The following MAGI1 variants were observed in gnomAD, a reference collection of about 807,000 sequenced individuals.
MAGI1 encodes membrane associated guanylate kinase, WW and PDZ domain containing 1.
MAGI1 carries 58 observed loss-of-function variants against 139.9 expected under a neutral mutation model. That is an observed-to-expected ratio of 0.41 (90% CI 0.34 to 0.52). The LOEUF is 0.52. Ranked by LOEUF, MAGI1 falls within the 20% of genes least tolerant of loss-of-function variation. The probability of loss-of-function intolerance (pLI) is 0.12; values close to 1 mark genes in which losing one functional copy is unlikely to be tolerated. For synonymous variants in MAGI1, 812 were observed against 737.9 expected (o/e 1.10, Z -1.63); for missense variants, 1,874 against 1,901.6 (o/e 0.99, Z 0.27).
At chr3:65,450,032 T>A (rs184460512) in intron 6 of MAGI1, among the ~76,000 whole-genome samples, 18 of 152,290 alleles carry the variant, frequency 1.2e-4, no homozygotes, top group Non-Finnish European at 2.4e-4. Flanking sequence ...AATTATTCAA[T>A]AACTATTGTG....
At chr3:65,713,055 C>G (rs1337023447) in intron 1 of MAGI1, among the ~76,000 whole-genome samples, 1 of 152,154 alleles carries the variant, frequency 6.6e-6, no homozygotes, top group Non-Finnish European at 1.5e-5. Context: ...ACAGCCTAAG[C>G]TTTCAAAATG....
chr3:65,448,907 G>A (rs1254541742), intron 6 of MAGI1, among the ~76,000 whole-genome samples: 2 of 152,200 alleles, frequency 1.3e-5, no homozygotes, highest in East Asian at 1.9e-4. Flanking sequence ...CATACATAAT[G>A]TTTCCCCAGG....
chr3:65,542,769 T>C (rs1057458835), intron 2 of MAGI1, among the ~76,000 whole-genome samples: 1 of 152,204 alleles, frequency 6.6e-6, no homozygotes, highest in African/African-American at 2.4e-5. Context: ...GAGTAAAGAC[T>C]TAAACATAAG....
chr3:65,478,792 T>C lies in MAGI1; in HGVS notation c.557A>G (p.Tyr186Cys), dbSNP rs61746260. 2.5e-6 allele frequency: 4 copies of C among 1,612,144 alleles called. No homozygotes were observed. In the East Asian group the frequency reaches 6.7e-5, roughly 27 times the overall value. Reference protein sequence around the residue: ...LLEVGTYEGNYYGTPKPPSQP... With the variant: ...LLEVGTYEGNCYGTPKPPSQP... ...GCTAGGAGGCTTGGGTGTCCCATAA[T>C]AGTTTCCTAGGTGATGGAGAGACAC... The change falls in exon 4 of 23, where the codon TAT becomes TGT. Residue 186 changes from tyrosine (Y) to cysteine (C), a missense_variant. This residue lies in a region of MAGI1 where 648 missense variants were observed against 598.1 expected (regional missense o/e 1.08). Transcript: ENST00000402939.
chr3:65,375,883 G>T lies in MAGI1; in HGVS notation c.3058C>A (p.Arg1020Ser). The T allele has an allele frequency of 6.2e-7, 1 of 1,614,068 alleles. No homozygotes were observed. The change falls in exon 18 of 23, where the codon CGC (arginine) becomes AGC (serine). Residue 1020 changes from arginine (R) to serine (S), a missense_variant. This residue lies in a region of MAGI1 where 653 missense variants were observed against 644.5 expected (regional missense o/e 1.01). Coordinates refer to ENST00000402939, the MANE Select transcript of MAGI1 (RefSeq NM_001033057.2). ...TCTCCTACTTTCAGCTTGCCACAGCGGTCAGCAGGGCTCCCCTCAATAATC... is the reference window on the plus strand; with the variant it reads ...TCTCCTACTTTCAGCTTGCCACAGCTGTCAGCAGGGCTCCCCTCAATAATC... ...GRIIEGSPAD[R>S]CGKLKVGDRI... is the part of the protein sequence containing the mutation.
chr3:65,630,785 C>A (rs1213208046), intron 1 of MAGI1, among the ~76,000 whole-genome samples: 1 of 152,154 alleles, frequency 6.6e-6, no homozygotes, highest in Non-Finnish European at 1.5e-5. Flanking sequence ...GACATGTGCA[C>A]TCAAATCTCA....
intron 12 of MAGI1, among the ~76,000 whole-genome samples, chr3:65,418,566 C>T (rs1946404347): frequency 6.6e-6 from 1 of 152,162 alleles, no homozygotes; most frequent in African/African-American, 2.4e-5. Flanking sequence ...TCTTCCCCTT[C>T]TTAAATACTT....
chr3:65,496,235 G>A (rs532383360), intron 2 of MAGI1, among the ~76,000 whole-genome samples: 111 of 151,738 alleles, frequency 7.3e-4, no homozygotes, highest in Non-Finnish European at 1.4e-3. Flanking sequence ...CAAATGGGGG[G>A]TCTCACTATA....
chr3:65,392,618 G>A (rs145423663), intron 13 of MAGI1, among the ~76,000 whole-genome samples: 119 of 152,168 alleles, frequency 7.8e-4, no homozygotes, highest in Non-Finnish European at 1.5e-3. Flanking sequence ...CTTCCTTGCT[G>A]TCTCCCCGAG....
chr3:65,602,220 A>G (rs773389897), intron 2 of MAGI1, among the ~76,000 whole-genome samples: 4 of 152,218 alleles, frequency 2.6e-5, no homozygotes, highest in Non-Finnish European at 5.9e-5. Context: ...CAAGAGAAAT[A>G]AAAACATACA....
chr3:65,652,989 G>A (rs1018930595), intron 1 of MAGI1, among the ~76,000 whole-genome samples: 1 of 152,176 alleles, frequency 6.6e-6, no homozygotes, highest in African/African-American at 2.4e-5. Flanking sequence ...TCCAGGACAT[G>A]TGAGTCATCA....
At chr3:65,844,147 G>C (rs1369492306) in intron 1 of MAGI1, 1 of 519,946 alleles carries the variant, frequency 1.9e-6, no homozygotes, top group Non-Finnish European at 3.8e-6. Context: ...GGCCCAAAAA[G>C]AGTGCTAAAT....
chr3:65,841,914 C>T (rs1289698731), intron 1 of MAGI1, among the ~76,000 whole-genome samples: 2 of 152,114 alleles, frequency 1.3e-5, no homozygotes, highest in African/African-American at 4.8e-5. Context: ...ATGCCTAAGG[C>T]GCAACTGGGG....
intron 12 of MAGI1, among the ~76,000 whole-genome samples, chr3:65,415,693 C>T (rs1559535765): frequency 6.6e-6 from 1 of 152,196 alleles, no homozygotes; most frequent in African/African-American, 2.4e-5. Flanking sequence ...AAACAGAACA[C>T]AGAGTTTCTA....
At chr3:65,724,829 TC>T (rs1310811712) in intron 1 of MAGI1, among the ~76,000 whole-genome samples, 4 of 152,018 alleles carry the variant, frequency 2.6e-5, no homozygotes, top group African/African-American at 7.2e-5. Flanking sequence ...CATAAAACCA[TC>T]ATATCTCATG....
In MAGI1 at chr3:66,017,088, A is replaced by T. The variant is rs1322054572; in HGVS notation, c.313+20908T>A. ...CTGCATAATAACCTGAATATACTTAATGCCACTTAATTGTATAATTAAAAT... is the reference window on the plus strand; with the variant it reads ...CTGCATAATAACCTGAATATACTTATTGCCACTTAATTGTATAATTAAAAT... On this transcript the variant is annotated intron_variant, in intron 1 of 22. Transcript: ENST00000402939. 3.3e-5 allele frequency among the ~76,000 whole-genome samples: 5 copies of T among 152,310 alleles called. No individual in the cohort carries two copies. The East Asian group carries it at 9.6e-4, about 29-fold the overall frequency.
chr3:65,379,280 G>A lies in MAGI1; in HGVS notation c.2976C>T (p.Pro992=), dbSNP rs373125823. 74 of 1,612,454 alleles carry A rather than the reference G, an allele frequency of 4.6e-5. No homozygotes were observed. Among genetic ancestry groups the A allele is most frequent in the African/African-American group, 2.8e-4 (21 of 74,852 alleles). Residue 992 remains proline (P), a synonymous_variant, in exon 17 of 23, where the codon CCC becomes CCT. Transcript: ENST00000402939. ...ACTCACCAAAGGTCGTGCCTGCTTC[G>A]GGCCTGCTCACCGAGGACACGATGA... ...GFVIVSSVSR[P]EAGTTFGNAC...
At chr3:65,878,515 CA>C (rs35158287) in intron 1 of MAGI1, among the ~76,000 whole-genome samples, 18,683 of 81,122 alleles carry the variant, frequency 0.23, 806 homozygotes, top group Middle Eastern at 0.28. Context: ...GACTCAGTCT[CA>C]AAAAAAAAAA....
chr3:66,032,023 G>C (rs552845543), intron 1 of MAGI1, among the ~76,000 whole-genome samples: 1 of 152,288 alleles, frequency 6.6e-6, no homozygotes, highest in African/African-American at 2.4e-5. Context: ...TAAATTATTA[G>C]ACACAGAAAG....
Sources: allele counts gnomAD v4.1 joint callset (sites outside exome capture counted in the v4.1 genomes callset), GRCh38; gene constraint gnomAD v4.1.1; regional missense constraint gnomAD v4.1.1; transcripts MANE v1.5; gene names NCBI Gene and HGNC (gene_info 2026-07-23, HGNC 2026-07-21).